Variants in KIF1B observed in about 807,000 individuals in gnomAD.
The protein encoded by KIF1B is kinesin-like protein KIF1B.
In KIF1B, 76 loss-of-function variants were observed where a neutral mutation model predicts 241.9. The ratio of observed to expected loss-of-function variants is 0.31; its 90% CI spans 0.26 to 0.38. The LOEUF (loss-of-function observed/expected upper bound fraction) is 0.38. KIF1B is among the 10% of genes least tolerant of loss of function. KIF1B has a pLI of 1.00. For synonymous variants in KIF1B, 750 were observed against 796.7 expected (o/e 0.94, Z 0.99); for missense variants, 1,622 against 2,271.4 (o/e 0.71, Z 5.81).
chr1:10,298,447 A>T (rs993863088), intron 22 of KIF1B, among the ~76,000 whole-genome samples: 1 of 152,236 alleles, frequency 6.6e-6, no homozygotes, highest in Admixed American at 6.5e-5. Flanking sequence ...AAATTATAGT[A>T]AAGCCCTAAA....
At chr1:10,256,081 T>A (rs1341586642) in intron 2 of KIF1B, among the ~76,000 whole-genome samples, 166 bp from the exon 3 acceptor site, 1 of 151,934 alleles carries the variant, frequency 6.6e-6, no homozygotes, top group East Asian at 1.9e-4. Flanking sequence ...AATGCTGAAA[T>A]TACAGGCATG....
chr1:10,245,494 T>A (rs892839212), intron 2 of KIF1B, among the ~76,000 whole-genome samples: 1 of 152,172 alleles, frequency 6.6e-6, no homozygotes, highest in African/African-American at 2.4e-5. Context: ...AGGTTAGTGT[T>A]GGCTACACCA....
In KIF1B at chr1:10,326,289, G is replaced by A; in HGVS notation, c.2854G>A (p.Gly952Arg). 6.2e-7 allele frequency: 1 copy of A among 1,614,216 alleles called. No homozygotes were observed. Among genetic ancestry groups the A allele is most frequent in the Non-Finnish European group, 8.5e-7 (1 of 1,180,036 alleles). ...DAGSDAGTEE[G>R]SDLFSDGHDP... ...CGGCTCTGACGCAGGGACGGAGGAG[G>A]GATCAGATCTCTTCAGTGACGGGCA... The change falls in exon 27 of 49, where the codon GGA becomes AGA. Residue 952 changes from glycine to arginine, a missense_variant. Physicochemically the swap from Gly to Arg is moderately radical, Grantham distance 125 (BLOSUM62 -2). This residue lies in a region of KIF1B where 803 missense variants were observed against 1,112.0 expected (regional missense o/e 0.72). Coordinates refer to ENST00000676179, the MANE Select transcript of KIF1B (RefSeq NM_001365951.3). This position sits in a 1 kb window ranked among gnomAD's most constrained non-coding sequence, Gnocchi z 5.2.
intron 5 of KIF1B, among the ~76,000 whole-genome samples, chr1:10,262,253 G>T (rs954803521): frequency 2.0e-5 from 3 of 152,062 alleles, no homozygotes; most frequent in Non-Finnish European, 2.9e-5. Flanking sequence ...GGGCCAAAGC[G>T]ATCTTACCCC....
At chr1:10,224,109 A>C (rs1646880566) in intron 1 of KIF1B, among the ~76,000 whole-genome samples, 4 of 151,818 alleles carry the variant, frequency 2.6e-5, no homozygotes, top group Admixed American at 2.6e-4. Context: ...TACAGCCCTG[A>C]CCGTGGTTTT....
At chr1:10,257,683 A>AT (rs918855508) in intron 3 of KIF1B, among the ~76,000 whole-genome samples, 16 of 149,972 alleles carry the variant, frequency 1.1e-4, no homozygotes, top group East Asian at 2.0e-4. Context: ...CCTGTTTTGT[A>AT]TTTTTTTTTA....
chr1:10,232,203 T>C, intron 1 of KIF1B, 47 bp from the exon 2 acceptor site: 1 of 684,608 alleles, frequency 1.5e-6, no homozygotes, highest in South Asian at 1.6e-5. Context: ...TAGCCAGTTC[T>C]TGCTTTAATT....
In KIF1B at chr1:10,337,890, T is replaced by C. The variant is rs1652241421; in HGVS notation, c.3422+357T>C. On this transcript the variant is annotated intron_variant, in intron 31 of 48. Coordinates refer to ENST00000676179, the MANE Select transcript of KIF1B (RefSeq NM_001365951.3). This position sits in a 1 kb window ranked among gnomAD's most constrained non-coding sequence, Gnocchi z 4.0. ...TAATAAGCCTGAAAGCAATGACTTA[T>C]CTAGCTAGCAATTACGCCTATTTAA... Among the ~76,000 whole-genome samples the C allele has an allele frequency of 6.6e-6, 1 of 152,150 alleles. No individual in the cohort carries two copies. The highest frequency in any genetic ancestry group is 2.1e-4 in the South Asian group (1 of 4,832).
In KIF1B at chr1:10,337,328, T is replaced by C. The variant is rs776937817; in HGVS notation, c.3260-43T>C. 1 of 1,613,796 alleles carries C rather than the reference T, an allele frequency of 6.2e-7. No homozygotes were observed. On this transcript the variant is annotated intron_variant, in intron 30 of 48. Transcript: ENST00000676179. The surrounding 1 kb of genome is among the most constrained non-coding windows in gnomAD (Gnocchi z 4.0). The stretch of plus-strand genomic sequence containing the variant: ...AAAGCATGCCCAACTCCCTCCTCTT[T>C]GCATTATTTGAACCATCTGTGTCTT...
At chr1:10,375,408 A>G in intron 48 of KIF1B, 35 bp downstream of exon 48, 1 of 1,561,180 alleles carries the variant, frequency 6.4e-7, no homozygotes, top group South Asian at 1.1e-5. Flanking sequence ...GTTGTTTTTG[A>G]GACGGAGTCT....
intron 1 of KIF1B, among the ~76,000 whole-genome samples, chr1:10,224,058 C>T (rs1271576339): frequency 5.9e-5 from 9 of 152,142 alleles, no homozygotes; most frequent in Non-Finnish European, 1.3e-4. Flanking sequence ...CTGCCTTGGC[C>T]TCTGAAAGTG....
chr1:10,364,953 C>G, intron 41 of KIF1B, 147 bp from the exon 42 acceptor site: 2 of 618,284 alleles, frequency 3.2e-6, no homozygotes, highest in South Asian at 3.8e-5. Flanking sequence ...TTGCAGTGGG[C>G]TGAGATCACG....
intron 28 of KIF1B, among the ~76,000 whole-genome samples, chr1:10,335,241 C>T (rs1019203237): frequency 7.9e-5 from 12 of 152,054 alleles, no homozygotes; most frequent in African/African-American, 1.4e-4. Context: ...CCATTGCACC[C>T]GGCCAGTCAT....
At chr1:10,343,816 A>C (rs1652488806) in intron 34 of KIF1B, among the ~76,000 whole-genome samples, 1 of 152,130 alleles carries the variant, frequency 6.6e-6, no homozygotes, top group African/African-American at 2.4e-5. Flanking sequence ...AGTAAGAAAC[A>C]ATAGGGGGCC....
rs564880053 is a variant in KIF1B, at chr1:10,334,978, G to A, written c.3043+340G>A. Among the ~76,000 whole-genome samples, 274 of 149,354 alleles carry A rather than the reference G, an allele frequency of 1.8e-3. 1 individual carries two copies. Among genetic ancestry groups the A allele is most frequent in the African/African-American group, 6.3e-3 (253 of 40,470 alleles). Reference sequence around the variant, plus strand: ...TTTTGAGACAGGGTCTCACTTTGTCGTCCAGGCTGGAGTGCAATGGTGCAA... The same window carrying A: ...TTTTGAGACAGGGTCTCACTTTGTCATCCAGGCTGGAGTGCAATGGTGCAA... On this transcript the variant is annotated intron_variant, in intron 28 of 48. Transcript: ENST00000676179.
chr1:10,294,139 C>A (rs962998300), intron 17 of KIF1B, among the ~76,000 whole-genome samples: 1 of 152,174 alleles, frequency 6.6e-6, no homozygotes, highest in Non-Finnish European at 1.5e-5. Flanking sequence ...TGCTGGCACT[C>A]TCTTGAGTAG....
At chr1:10,226,430 T>G (rs531303815) in intron 1 of KIF1B, among the ~76,000 whole-genome samples, 7 of 152,350 alleles carry the variant, frequency 4.6e-5, no homozygotes, top group African/African-American at 1.7e-4. Flanking sequence ...AAATACATAG[T>G]ACTTTATATC....
chr1:10,346,989 C>G (rs1413707336), intron 35 of KIF1B, among the ~76,000 whole-genome samples: 1 of 152,182 alleles, frequency 6.6e-6, no homozygotes, highest in Admixed American at 6.5e-5. Flanking sequence ...GGAGGGCATC[C>G]TCAGTTGAGA....
At chr1:10,234,358 C>T (rs770735078) in intron 2 of KIF1B, among the ~76,000 whole-genome samples, 1 of 151,946 alleles carries the variant, frequency 6.6e-6, no homozygotes, top group Non-Finnish European at 1.5e-5. Context: ...CAGGCACCCA[C>T]CACTATGCCT....
Sources: gnomAD v4.1 joint callset for allele counts (sites outside exome capture counted in the v4.1 genomes callset) on GRCh38, gnomAD v4.1.1 for gene constraint, gnomAD v4.1.1 regional missense constraint, Gnocchi (gnomAD v3.1) non-coding constraint, MANE v1.5 for transcripts, NCBI Gene and HGNC (gene_info 2026-07-23, HGNC 2026-07-21) for gene names.